Variants in PIAS2 observed in about 807,000 individuals in gnomAD.
PIAS2 encodes protein inhibitor of activated STAT 2.
A neutral mutation model predicts 69.7 loss-of-function variants in PIAS2; 19 were observed. The ratio of observed to expected loss-of-function variants is 0.27; its 90% CI spans 0.19 to 0.40. PIAS2 has a LOEUF of 0.40. PIAS2 is among the 10% of genes least tolerant of loss of function. The probability of loss-of-function intolerance (pLI) is 1.00; values close to 1 mark genes in which losing one functional copy is unlikely to be tolerated. For synonymous variants in PIAS2, 261 were observed against 263.2 expected (o/e 0.99, Z 0.08); for missense variants, 624 against 757.0 (o/e 0.82, Z 2.06).
rs1362270525 is a variant in PIAS2, at chr18:46,898,002, G to T, written c.25-6948C>A. On this transcript the variant is annotated intron_variant, in intron 1 of 13. Coordinates refer to ENST00000585916, the MANE Select transcript of PIAS2 (RefSeq NM_004671.5). ...TCCTCCCACCTCGGCCTCCAGAGTAGCTGGGAGGCCAGCCCAGTTAATTTT... is the reference window on the plus strand; with the variant it reads ...TCCTCCCACCTCGGCCTCCAGAGTATCTGGGAGGCCAGCCCAGTTAATTTT... 2.0e-5 allele frequency among the ~76,000 whole-genome samples: 3 copies of T among 151,960 alleles called. No homozygotes were observed. In the East Asian group the frequency reaches 5.8e-4, roughly 29 times the overall value.
In PIAS2 at chr18:46,882,899, C is replaced by A. The variant is rs565659486; in HGVS notation, c.499+7681G>T. On this transcript the variant is annotated intron_variant, in intron 2 of 13. Transcript: ENST00000585916. The stretch of plus-strand genomic sequence containing the variant: ...TTGGAAAAGGTTTTAAGAGACCAGC[C>A]TGGACAACATGGTGAAACCCTGTCT... Among the ~76,000 whole-genome samples, 20 of 152,182 alleles carry A rather than the reference C, an allele frequency of 1.3e-4. No individual in the cohort carries two copies. In the South Asian group the frequency reaches 4.2e-3, roughly 32 times the overall value.
At chr18:46,849,286 T>C (rs1207945773) in intron 5 of PIAS2, among the ~76,000 whole-genome samples, 3 of 152,324 alleles carry the variant, frequency 2.0e-5, no homozygotes, top group Middle Eastern at 3.4e-3. Flanking sequence ...GTGACTTTAC[T>C]GGTAATTCTG....
intron 12 of PIAS2, chr18:46,818,378 C>G: frequency 6.5e-7 from 1 of 1,547,726 alleles, no homozygotes; most frequent in Non-Finnish European, 8.7e-7. Flanking sequence ...ATTTTGTATT[C>G]ACTGTTGCAC....
chr18:46,866,677 C>G (rs909673244), intron 2 of PIAS2, among the ~76,000 whole-genome samples: 2 of 152,152 alleles, frequency 1.3e-5, no homozygotes, highest in African/African-American at 4.8e-5. Flanking sequence ...CATTGAAAGG[C>G]AGGATTTCTA....
chr18:46,819,983 G>A (rs972074064), intron 12 of PIAS2, among the ~76,000 whole-genome samples: 2 of 152,102 alleles, frequency 1.3e-5, no homozygotes, highest in African/African-American at 4.8e-5. Flanking sequence ...GTGGTCAACT[G>A]CAGTCAGAAA....
rs181062387 is a variant in PIAS2, at chr18:46,883,206, C to T, written c.499+7374G>A. 2.6e-3 allele frequency among the ~76,000 whole-genome samples: 399 copies of T among 152,010 alleles called. 1 individual carries two copies. The highest frequency in any genetic ancestry group is 4.4e-3 in the Non-Finnish European group (297 of 67,984). On this transcript the variant is annotated intron_variant, in intron 2 of 13. Transcript: ENST00000585916. ...TCTAGCTGAGCAATGAATGAGATTA[C>T]GAAGGACTGTCCCTTTCTTATGATT...
chr18:46,846,597 G>T, intron 6 of PIAS2, 110 bp downstream of exon 6: 2 of 1,096,532 alleles, frequency 1.8e-6, no homozygotes, highest in Middle Eastern at 2.2e-4. Flanking sequence ...GCTTTTTAGA[G>T]ATTACAATCC....
In PIAS2 at chr18:46,890,886, A is replaced by G. The variant is rs2053978690; in HGVS notation, c.193T>C (p.Tyr65His). The change falls in exon 2 of 14, where the codon TAT becomes CAT. Residue 65 changes from tyrosine (Y) to histidine (H), a missense_variant. By Grantham distance (83) the Tyr-to-His change is moderately conservative. This residue lies in a region of PIAS2 where 339 missense variants were observed against 408.8 expected (regional missense o/e 0.83). Transcript: ENST00000585916. ...IKIRELYRRR[Y>H]PRTLEGLSDL... is the part of the protein sequence containing the mutation. ...GAAAGTCCTTCAAGAGTTCGTGGAT[A>G]TCGGCGTCTATACAATTCTCGGATT... The G allele has an allele frequency of 6.2e-7, 1 of 1,614,088 alleles. No individual in the cohort carries two copies. The highest frequency in any genetic ancestry group is 1.7e-5 in the Admixed American group (1 of 60,002).
At chr18:46,902,161 C>T (rs1480953033) in intron 1 of PIAS2, among the ~76,000 whole-genome samples, 1 of 150,810 alleles carries the variant, frequency 6.6e-6, no homozygotes, top group Non-Finnish European at 1.5e-5. Context: ...CCATTTATAA[C>T]ACTCCAAAGA....
rs1055976048 is a variant in PIAS2 at position 46,917,477 on chromosome 18, G to A, written c.-132C>T. 5 of 1,206,610 alleles carry A rather than the reference G, an allele frequency of 4.1e-6. No individual in the cohort carries two copies. Among genetic ancestry groups the A allele is most frequent in the Non-Finnish European group, 4.1e-6 (4 of 968,592 alleles). 74.7% of individuals were successfully genotyped at this position (1,206,610 alleles called of 1,614,324 possible). A position where few individuals can be genotyped will look rare whatever the true frequency, so the allele number is the denominator to read the frequency against. On this transcript the variant is annotated 5_prime_UTR_variant, in exon 1 of 14. Coordinates refer to ENST00000585916, the MANE Select transcript of PIAS2 (RefSeq NM_004671.5). ...ACTGGGCGCCGCTTAAGACGCCGCG[G>A]CCGCCGCCGCTACAGCCGGGCCCGT...
At chr18:46,867,569 C>A (rs1288961890) in intron 2 of PIAS2, among the ~76,000 whole-genome samples, 1 of 152,158 alleles carries the variant, frequency 6.6e-6, no homozygotes, top group Non-Finnish European at 1.5e-5. Flanking sequence ...TGCAGAGATT[C>A]CATGAATGCC....
intron 2 of PIAS2, among the ~76,000 whole-genome samples, chr18:46,868,949 T>G (rs2049909150): frequency 6.6e-6 from 1 of 152,200 alleles, no homozygotes; most frequent in African/African-American, 2.4e-5. Flanking sequence ...AAAAGGATCC[T>G]CACACACCAT....
rs977671095 is a variant in PIAS2, at chr18:46,805,426, C to A, written c.*7007G>T. 6.6e-6 allele frequency: 1 copy of A among 152,212 alleles called. No homozygotes were observed. The highest frequency in any genetic ancestry group is 2.4e-5 in the African/African-American group (1 of 41,444). 9.4% of individuals were successfully genotyped at this position (152,212 alleles called of 1,614,324 possible). ...CAAGGAACACTGTGAGTCAAAGCTT[C>A]CAGCAAATCAAAGGGAATGATCAGG... On this transcript the variant is annotated 3_prime_UTR_variant, in exon 14 of 14. Transcript: ENST00000585916.
chr18:46,899,332 A>G (rs1235997365), intron 1 of PIAS2, among the ~76,000 whole-genome samples: 4 of 152,216 alleles, frequency 2.6e-5, no homozygotes, highest in African/African-American at 9.7e-5. Context: ...AAAGCACTCT[A>G]TGGATACCTG....
intron 3 of PIAS2, 141 bp downstream of exon 3, chr18:46,864,023 G>C: frequency 1.9e-6 from 1 of 517,324 alleles, no homozygotes; most frequent in Non-Finnish European, 3.4e-6. Context: ...CCAAAACCTT[G>C]ATCTTGGACA....
At chr18:46,828,386 A>G (rs1044382212) in intron 10 of PIAS2, among the ~76,000 whole-genome samples, 8 of 152,198 alleles carry the variant, frequency 5.3e-5, no homozygotes, top group Non-Finnish European at 1.2e-4. Context: ...GAATGTTCTT[A>G]GTTATGCCTC....
intron 2 of PIAS2, among the ~76,000 whole-genome samples, chr18:46,867,141 C>G (rs1402509014): frequency 6.6e-6 from 1 of 151,842 alleles, no homozygotes; most frequent in Non-Finnish European, 1.5e-5. Context: ...TAGTCTGTGT[C>G]ATAACAGACA....
At position 46,917,366 on chromosome 18, in the gene PIAS2, C is replaced by A. The variant is rs1396101721; in HGVS notation, c.-21G>T. 25 of 1,458,048 alleles carry A rather than the reference C, an allele frequency of 1.7e-5. No individual in the cohort carries two copies. Among genetic ancestry groups the A allele is most frequent in the Non-Finnish European group, 2.3e-5 (25 of 1,099,412 alleles). The allele number at this position is 1,458,048 out of a possible 1,614,324, so 90.3% of individuals were successfully genotyped here. On this transcript the variant is annotated 5_prime_UTR_variant, in exon 1 of 14. Coordinates refer to ENST00000585916, the MANE Select transcript of PIAS2 (RefSeq NM_004671.5). ...GCCATTTTATACCACCCGCGGGCGC[C>A]GCCGCCGCTGCCGCCGCACCCACTC... is the stretch of plus-strand genomic sequence containing the variant.
chr18:46,804,170 T>C lies in PIAS2; in HGVS notation c.*8263A>G, dbSNP rs1366875544. ...CTATGTAGCCCATATCATGTTAGGC[T>C]CTGGGATGCAAGTGAAAAAAGTTAT... On this transcript the variant is annotated 3_prime_UTR_variant, in exon 14 of 14. Transcript: ENST00000585916. 1 of 151,874 alleles carries C rather than the reference T, an allele frequency of 6.6e-6. No homozygotes were observed. The highest frequency in any genetic ancestry group is 6.5e-5 in the Admixed American group (1 of 15,276). The allele number at this position is 151,874 out of a possible 1,614,324, so 9.4% of individuals were successfully genotyped here.
Sources: allele counts gnomAD v4.1 joint callset (sites outside exome capture counted in the v4.1 genomes callset), GRCh38; gene constraint gnomAD v4.1.1; regional missense constraint gnomAD v4.1.1; transcripts MANE v1.5; gene names NCBI Gene and HGNC (gene_info 2026-07-23, HGNC 2026-07-21).